WWOX: variants seen among roughly 807,000 people sequenced by gnomAD.
WWOX encodes WW domain-containing oxidoreductase.
In WWOX, 69 loss-of-function variants were observed where a neutral mutation model predicts 46.2. The ratio of observed to expected loss-of-function variants is 1.49; its 90% confidence interval spans 1.23 to 1.82. The LOEUF is 1.82. WWOX is among the 40% of genes most tolerant of loss of function. The pLI, the probability that WWOX is intolerant of heterozygous loss-of-function variation, is 0.00. For missense variants in WWOX, 919 were observed against 542.6 expected, an observed-to-expected ratio of 1.69 and a Z score of -6.89; for synonymous variants, 359 against 202.6, an observed-to-expected ratio of 1.77 and a Z score of -6.56.
intron 8 of WWOX, among the ~76,000 whole-genome samples, chr16:78,849,672 C>T (rs1365192561): frequency 6.6e-6 from 1 of 151,668 alleles, no homozygotes; most frequent in Admixed American, 6.6e-5. Flanking sequence ...GGACAAAACA[C>T]AGTATGGTTG....
chr16:79,185,010 A>C (rs780163077), intron 8 of WWOX, among the ~76,000 whole-genome samples: 7 of 152,238 alleles, frequency 4.6e-5, no homozygotes, highest in Non-Finnish European at 1.0e-4. Flanking sequence ...GTTTATAAAA[A>C]TCAGGAAACA....
chr16:79,049,470 A>G (rs1487507944), intron 8 of WWOX, among the ~76,000 whole-genome samples: 1 of 152,168 alleles, frequency 6.6e-6, no homozygotes, highest in Non-Finnish European at 1.5e-5. Flanking sequence ...TTTGCAGCAC[A>G]GCTGGGACAC....
chr16:78,754,861 C>G (rs563433249), intron 8 of WWOX, among the ~76,000 whole-genome samples: 2 of 152,260 alleles, frequency 1.3e-5, no homozygotes, highest in African/African-American at 4.8e-5. Flanking sequence ...TGGGTGATAA[C>G]TTACTCACAG....
intron 8 of WWOX, among the ~76,000 whole-genome samples, chr16:78,812,476 C>A (rs1445682050): frequency 1.3e-5 from 2 of 152,076 alleles, no homozygotes; most frequent in East Asian, 3.9e-4. Context: ...AATCCTGACA[C>A]TTTGGGAGGC....
At chr16:78,908,233 G>A (rs2045017077) in intron 8 of WWOX, among the ~76,000 whole-genome samples, 1 of 151,980 alleles carries the variant, frequency 6.6e-6, no homozygotes, top group Admixed American at 6.6e-5. Context: ...CAAGACAGGG[G>A]GATTGCCATA....
rs150556163 is a variant in WWOX, at chr16:78,730,568, T to C, written c.1056+297816T>C. 6.8e-3 allele frequency among the ~76,000 whole-genome samples: 1,029 copies of C among 151,366 alleles called. 10 individuals are homozygous for C. The highest frequency in any genetic ancestry group is 0.024 in the African/African-American group (975 of 41,252). ...CTGGTCTCAAATGATCCACCCAACCTAGCCTCCTAAGTAGCTGGGACCACA... is the reference window on the plus strand; with the variant it reads ...CTGGTCTCAAATGATCCACCCAACCCAGCCTCCTAAGTAGCTGGGACCACA... On this transcript the variant is annotated intron_variant, in intron 8 of 8. Transcript: ENST00000566780.
intron 8 of WWOX, among the ~76,000 whole-genome samples, chr16:79,065,816 C>T (rs944676203): frequency 1.3e-5 from 2 of 152,042 alleles, no homozygotes; most frequent in African/African-American, 2.4e-5. Context: ...TGAGGACTGC[C>T]AGCCCGTGGG....
chr16:78,754,420 C>A (rs1228907516), intron 8 of WWOX, among the ~76,000 whole-genome samples: 1 of 152,106 alleles, frequency 6.6e-6, no homozygotes, highest in East Asian at 1.9e-4. Context: ...ATTTGTAGAT[C>A]AGGGTTTTGA....
At chr16:78,654,054 C>T (rs772103684) in intron 8 of WWOX, among the ~76,000 whole-genome samples, 9 of 152,304 alleles carry the variant, frequency 5.9e-5, no homozygotes, top group Non-Finnish European at 1.2e-4. Context: ...TTTCTGAAGT[C>T]GTCATATTGC....
intron 8 of WWOX, among the ~76,000 whole-genome samples, chr16:78,750,446 A>C (rs2049448237): frequency 6.6e-6 from 1 of 152,146 alleles, no homozygotes; most frequent in African/African-American, 2.4e-5. Flanking sequence ...TGTTTCATTT[A>C]TTTATCATGT....
At chr16:79,135,206 T>C (rs370274307) in intron 8 of WWOX, among the ~76,000 whole-genome samples, 1 of 152,188 alleles carries the variant, frequency 6.6e-6, no homozygotes, top group Non-Finnish European at 1.5e-5. Flanking sequence ...AAAATATTTA[T>C]TTTTGATCCA....
rs55635025 is a variant in WWOX, at chr16:78,354,312, C to CTTTTTTTTTTTT, written c.517-32545_517-32534dup. 7.3e-5 allele frequency among the ~76,000 whole-genome samples: 9 copies of CTTTTTTTTTTTT among 123,260 alleles called. 2 individuals are homozygous for CTTTTTTTTTTTT. Among genetic ancestry groups the CTTTTTTTTTTTT allele is most frequent in the African/African-American group, 6.3e-5 (2 of 31,822 alleles). The allele number at this position is 123,260 out of a possible 152,430, so 80.9% of individuals were successfully genotyped here. ...AGACAGTGTCTGCTGATGTGCTTAA[C>CTTTTTTTTTTTT]TTTTTTTTTTTTTTGGTCAGGTGTG... On this transcript the variant is annotated intron_variant, in intron 5 of 8. Transcript: ENST00000566780.
At chr16:78,947,066 T>A (rs1247171285) in intron 8 of WWOX, among the ~76,000 whole-genome samples, 35 of 146,218 alleles carry the variant, frequency 2.4e-4, no homozygotes, top group African/African-American at 8.3e-4. Context: ...TTTCTTTTTT[T>A]AAAAAAAAGC....
At chr16:78,120,576 CAA>C (rs11433590) in intron 4 of WWOX, among the ~76,000 whole-genome samples, 8 of 84,414 alleles carry the variant, frequency 9.5e-5, no homozygotes, top group African/African-American at 1.0e-4. Context: ...GACTCCGTCT[CAA>C]AAAAAAAAAA....
intron 3 of WWOX, among the ~76,000 whole-genome samples, chr16:78,112,469 T>A (rs545967520): frequency 6.6e-6 from 1 of 152,200 alleles, no homozygotes; most frequent in Non-Finnish European, 1.5e-5. Flanking sequence ...AAAACTGATA[T>A]TGAGAGCAAA....
At chr16:78,876,490 G>C (rs997450359) in intron 8 of WWOX, among the ~76,000 whole-genome samples, 3 of 150,258 alleles carry the variant, frequency 2.0e-5, no homozygotes, top group Admixed American at 6.6e-5. Flanking sequence ...TTTTTTAAAG[G>C]AGTTTCAAGG....
chr16:78,375,369 C>A (rs2081794442), intron 5 of WWOX, among the ~76,000 whole-genome samples: 1 of 152,168 alleles, frequency 6.6e-6, no homozygotes, highest in Non-Finnish European at 1.5e-5. Context: ...TTGTTGCTGC[C>A]ACTATGAGTA....
chr16:78,147,150 A>G (rs1049854741), intron 4 of WWOX, among the ~76,000 whole-genome samples: 20 of 145,800 alleles, frequency 1.4e-4, no homozygotes, highest in Non-Finnish European at 2.3e-4. Context: ...TATCAGAGAT[A>G]CTTTTTTTTT....
chr16:78,729,118 G>C (rs1048007584), intron 8 of WWOX, among the ~76,000 whole-genome samples: 2 of 152,014 alleles, frequency 1.3e-5, no homozygotes, highest in Non-Finnish European at 2.9e-5. Flanking sequence ...TGAGGCAGGC[G>C]GATCACTTGA....
Sources: allele counts gnomAD v4.1 joint callset (sites outside exome capture counted in the v4.1 genomes callset), GRCh38; gene constraint gnomAD v4.1.1; transcripts MANE v1.5; gene names NCBI Gene and HGNC (gene_info 2026-07-23, HGNC 2026-07-21).